The following WNK1 variants were observed in gnomAD, a reference collection of about 807,000 sequenced individuals.
WNK1 encodes WNK lysine deficient protein kinase 1.
WNK1 carries 38 observed loss-of-function variants against 222.8 expected under a neutral mutation model. The observed-to-expected ratio is 0.17, with a 90% CI of 0.13 to 0.22. WNK1 has a LOEUF of 0.22. WNK1 is among the 10% of genes least tolerant of loss of function. WNK1 has a pLI of 1.00. For synonymous variants in WNK1, 1,090 were observed against 1,092.9 expected (o/e 1.00, Z 0.05); for missense variants, 2,348 against 2,918.4 (o/e 0.80, Z 4.50).
Position 884,301 on chromosome 12 carries a change from G to C in WNK1, c.3844+58G>C. The C allele has an allele frequency of 6.2e-7, 1 of 1,610,400 alleles. No homozygotes were observed. The highest frequency in any genetic ancestry group is 8.5e-7 in the Non-Finnish European group (1 of 1,177,490). On this transcript the variant is annotated intron_variant, in intron 18 of 27. Transcript: ENST00000315939. The surrounding 1 kb of genome is among the most constrained non-coding windows in gnomAD (Gnocchi z 5.6). ...AATTCTACAGTGCCTCTGCTATGTTGAAAGCTTAATCATAAAGCAGTAATT... is the reference window on the plus strand; with the variant it reads ...AATTCTACAGTGCCTCTGCTATGTTCAAAGCTTAATCATAAAGCAGTAATT...
intron 26 of WNK1, among the ~76,000 whole-genome samples, chr12:905,563 T>C (rs1408367319): frequency 6.6e-6 from 1 of 152,194 alleles, no homozygotes; most frequent in African/African-American, 2.4e-5. Context: ...CCTGTGATTA[T>C]TTCTGTTTTT....
At chr12:824,519 C>G (rs564526413) in intron 2 of WNK1, among the ~76,000 whole-genome samples, 1 of 152,104 alleles carries the variant, frequency 6.6e-6, no homozygotes, top group East Asian at 1.9e-4. Flanking sequence ...GTGTAATTTT[C>G]ACTTGAATAG....
At chr12:872,137 A>G (rs1024346377) in intron 9 of WNK1, among the ~76,000 whole-genome samples, 1 of 151,616 alleles carries the variant, frequency 6.6e-6, no homozygotes, top group African/African-American at 2.4e-5. Context: ...ATTTATTTTT[A>G]TTTATTTTGA....
intron 1 of WNK1, among the ~76,000 whole-genome samples, chr12:795,201 G>A (rs752910276): frequency 1.6e-4 from 25 of 152,052 alleles, no homozygotes; most frequent in Non-Finnish European, 2.1e-4. Context: ...ACTCATCAGT[G>A]AAGTGATCTG....
intron 1 of WNK1, among the ~76,000 whole-genome samples, chr12:779,780 T>A (rs995440679): frequency 6.6e-6 from 1 of 152,134 alleles, no homozygotes; most frequent in African/African-American, 2.4e-5. Flanking sequence ...AAATAATGGA[T>A]TTTTTTGGTC....
intron 1 of WNK1, among the ~76,000 whole-genome samples, chr12:808,850 G>A (rs760474772): frequency 2.4e-4 from 35 of 146,780 alleles, no homozygotes; most frequent in African/African-American, 8.1e-4. Context: ...TGCAATCTCC[G>A]CTTCCCAGGT....
chr12:815,372 A>G (rs1245390555), intron 2 of WNK1, among the ~76,000 whole-genome samples: 1 of 152,240 alleles, frequency 6.6e-6, no homozygotes, highest in Non-Finnish European at 1.5e-5. Flanking sequence ...ATTGGAATAC[A>G]GTGTTACAGC....
chr12:786,469 C>CT (rs71051383), intron 1 of WNK1, among the ~76,000 whole-genome samples: 55,978 of 139,570 alleles, frequency 0.4, 12,446 homozygotes, highest in East Asian at 0.79. Context: ...TCTATCTTCC[C>CT]TTTTTTTTTT....
chr12:908,104 T>C, intron 27 of WNK1, 70 bp downstream of exon 27: 2 of 1,559,230 alleles, frequency 1.3e-6, no homozygotes, highest in South Asian at 1.1e-5. Flanking sequence ...ACAACTAAGC[T>C]GCTGCTTAAC....
chr12:850,607 C>T (rs1950350728), intron 4 of WNK1, among the ~76,000 whole-genome samples: 2 of 152,090 alleles, frequency 1.3e-5, no homozygotes, highest in South Asian at 2.1e-4. Context: ...GCTTTTTTTG[C>T]CATTGCTTTT....
intron 1 of WNK1, among the ~76,000 whole-genome samples, chr12:778,345 T>A (rs1037710441): frequency 5.3e-5 from 8 of 152,288 alleles, no homozygotes; most frequent in African/African-American, 1.9e-4. Flanking sequence ...TTCTTTCTTT[T>A]TTTCTGAGAC....
intron 4 of WNK1, among the ~76,000 whole-genome samples, chr12:843,083 C>T (rs1057307412): frequency 3.3e-5 from 5 of 152,108 alleles, no homozygotes; most frequent in Non-Finnish European, 5.9e-5. Flanking sequence ...TTACAGGCAC[C>T]CGCCACCATG....
Position 879,567 on chromosome 12 carries a change from T to C in WNK1, c.2374-6T>C, listed in dbSNP as rs1476558275. On this transcript the variant is annotated splice_region_variant and splice_polypyrimidine_tract_variant and intron_variant, in intron 10 of 27. Transcript: ENST00000315939. Reference sequence around the variant, plus strand: ...CTGTCTGTTTTGTTTTTCTTTACCTTCCCAGCTTCCAGTTTCCCAGCCAGT... The same window carrying C: ...CTGTCTGTTTTGTTTTTCTTTACCTCCCCAGCTTCCAGTTTCCCAGCCAGT... 7.1e-7 allele frequency: 1 copy of C among 1,413,152 alleles called. No individual in the cohort carries two copies. Among genetic ancestry groups the C allele is most frequent in the South Asian group, 1.1e-5 (1 of 87,570 alleles). 87.5% of individuals were successfully genotyped at this position (1,413,152 alleles called of 1,614,324 possible). A position where few individuals can be genotyped will look rare whatever the true frequency, so the allele number is the denominator to read the frequency against.
intron 8 of WNK1, among the ~76,000 whole-genome samples, chr12:869,812 G>C (rs1195197602): frequency 6.6e-6 from 1 of 151,036 alleles, no homozygotes; most frequent in Non-Finnish European, 1.5e-5. Flanking sequence ...TGAGTGGTGG[G>C]CTTTTTTTTT....
At chr12:764,946 C>T (rs1485262670) in intron 1 of WNK1, among the ~76,000 whole-genome samples, 1 of 147,336 alleles carries the variant, frequency 6.8e-6, no homozygotes, top group Non-Finnish European at 1.5e-5. Context: ...TCAAGCAATT[C>T]TGCCTCAGCC....
chr12:821,103 A>T (rs1037984867), intron 2 of WNK1, among the ~76,000 whole-genome samples: 4 of 132,412 alleles, frequency 3.0e-5, no homozygotes, highest in Non-Finnish European at 6.1e-5. Context: ...GCTCTTCTGC[A>T]TCAAGTTAGA....
At chr12:883,950 C>T in intron 17 of WNK1, 119 bp downstream of exon 17, 1 of 1,489,350 alleles carries the variant, frequency 6.7e-7, no homozygotes, top group Non-Finnish European at 9.2e-7. Context: ...ATCGCTTGAA[C>T]CCAGGAGGCG....
At chr12:842,460 A>G (rs1295922139) in intron 4 of WNK1, among the ~76,000 whole-genome samples, 3 of 152,158 alleles carry the variant, frequency 2.0e-5, no homozygotes, top group Non-Finnish European at 4.4e-5. Flanking sequence ...AACTCTTTCC[A>G]TTATGGGGCT....
chr12:837,588 AAAAAG>A (rs1555117641), intron 4 of WNK1, among the ~76,000 whole-genome samples: 11 of 133,502 alleles, frequency 8.2e-5, no homozygotes, highest in Middle Eastern at 3.7e-3. Context: ...AAAAAAAAAA[AAAAAG>A]AAAAGAAAAG....
Sources: allele counts gnomAD v4.1 joint callset (sites outside exome capture counted in the v4.1 genomes callset), GRCh38; gene constraint gnomAD v4.1.1; non-coding constraint Gnocchi (gnomAD v3.1); transcripts MANE v1.5; gene names NCBI Gene and HGNC (gene_info 2026-07-23, HGNC 2026-07-21).